The following SRGAP3 variants were observed in gnomAD, a reference collection of about 807,000 sequenced individuals.
The protein encoded by SRGAP3 is SLIT-ROBO Rho GTPase activating protein 3.
Under a neutral mutation model 121.1 loss-of-function variants are expected in SRGAP3, and 39 were observed. The observed-to-expected ratio is 0.32, with a 90% CI of 0.25 to 0.42. The LOEUF (loss-of-function observed/expected upper bound fraction) is 0.42, where lower values mean the gene tolerates loss of function less well. Among genes scored for constraint, SRGAP3 ranks in the 10% least tolerant of loss-of-function variants. The pLI is 1.00. For synonymous variants in SRGAP3, 601 were observed against 570.0 expected, an observed-to-expected ratio of 1.05 and a Z score of -0.77; for missense variants, 1,213 against 1,470.6, an observed-to-expected ratio of 0.82 and a Z score of 2.86.
chr3:9,161,413 C>T (rs1484831467), intron 1 of SRGAP3, among the ~76,000 whole-genome samples: 1 of 152,222 alleles, frequency 6.6e-6, no homozygotes, highest in Non-Finnish European at 1.5e-5. Context: ...CCAGACACTG[C>T]ACCAAAAAGC....
At chr3:9,192,872 G>A (rs1951799520) in intron 1 of SRGAP3, 1 of 152,240 alleles carries the variant, frequency 6.6e-6, no homozygotes, top group Non-Finnish European at 1.5e-5. Flanking sequence ...GAGCTGACAT[G>A]ATAAGGTCAA....
At position 9,032,565 on chromosome 3, in the gene SRGAP3, G is replaced by A. The variant is rs1944539377; in HGVS notation, c.1539+85C>T. 8.9e-5 allele frequency: 112 copies of A among 1,261,766 alleles called. 2 individuals carry two copies. In the South Asian group the frequency reaches 1.3e-3, roughly 14 times the overall value. 78.2% of individuals were successfully genotyped at this position (1,261,766 alleles called of 1,614,324 possible). A position where few individuals can be genotyped will look rare whatever the true frequency, so the allele number is the denominator to read the frequency against. On this transcript the variant is annotated intron_variant, in intron 12 of 21. Transcript: ENST00000383836. ...TCCACAGGGCCTGGCCAAGGACAGG[G>A]CTGTCTGCTGGCAGGGAGGCGGGCG... is the stretch of plus-strand genomic sequence containing the variant.
chr3:9,088,647 T>C (rs535770531), intron 3 of SRGAP3, among the ~76,000 whole-genome samples: 136 of 152,286 alleles, frequency 8.9e-4, no homozygotes, highest in African/African-American at 2.8e-3. Context: ...TCCTGCCCAA[T>C]TGAGAAATAG....
chr3:9,187,819 C>T (rs1020304600), intron 1 of SRGAP3, among the ~76,000 whole-genome samples: 1 of 152,214 alleles, frequency 6.6e-6, no homozygotes, highest in Non-Finnish European at 1.5e-5. Context: ...CCGTGTACGA[C>T]GTGACTTATA....
Position 8,983,547 on chromosome 3 carries a change from C to T in SRGAP3, c.*1972G>A, listed in dbSNP as rs1187072704. The stretch of plus-strand genomic sequence containing the variant: ...CGGGGGACCAGAGGAGAGGGCACCA[C>T]TTCATCCAATGGGCTGAAATGTTAA... On this transcript the variant is annotated 3_prime_UTR_variant, in exon 22 of 22. Coordinates refer to ENST00000383836, the MANE Select transcript of SRGAP3 (RefSeq NM_014850.4). 8.7e-6 allele frequency: 2 copies of T among 230,726 alleles called. No homozygotes were observed. The highest frequency in any genetic ancestry group is 5.7e-5 in the Admixed American group (1 of 17,692). 14.3% of individuals were successfully genotyped at this position (230,726 alleles called of 1,614,324 possible).
chr3:9,042,575 T>C (rs1945071936), intron 10 of SRGAP3, among the ~76,000 whole-genome samples: 1 of 152,002 alleles, frequency 6.6e-6, no homozygotes, highest in Non-Finnish European at 1.5e-5. Context: ...AGCAGTTACA[T>C]GGGTGGCTGC....
chr3:9,022,720 A>G (rs773064109), intron 14 of SRGAP3, among the ~76,000 whole-genome samples: 1 of 152,240 alleles, frequency 6.6e-6, no homozygotes, highest in African/African-American at 2.4e-5. Context: ...CGATTCTTTC[A>G]GAAGAAAGCA....
intron 9 of SRGAP3, among the ~76,000 whole-genome samples, 169 bp downstream of exon 9, chr3:9,052,857 CA>C (rs940719286): frequency 1.3e-5 from 2 of 152,146 alleles, no homozygotes; most frequent in African/African-American, 4.8e-5. Context: ...TCACTTTCTG[CA>C]TTTCAGAAAA....
chr3:9,119,400 C>A (rs555091059), intron 2 of SRGAP3, among the ~76,000 whole-genome samples: 6 of 152,316 alleles, frequency 3.9e-5, no homozygotes, highest in Non-Finnish European at 7.4e-5. Flanking sequence ...TCACATCATG[C>A]AACTCCCTTC....
intron 1 of SRGAP3, among the ~76,000 whole-genome samples, chr3:9,140,118 G>A (rs957220860): frequency 1.9e-4 from 24 of 125,614 alleles, no homozygotes; most frequent in Non-Finnish European, 3.6e-4. Context: ...TAGGCTCAGA[G>A]GCATACACAC....
chr3:9,288,663 C>A (rs1954823472), intron 3 of SRGAP3, among the ~76,000 whole-genome samples: 1 of 151,550 alleles, frequency 6.6e-6, no homozygotes, highest in African/African-American at 2.4e-5. Context: ...CAGCCTCCAA[C>A]TCCTGGGCTC....
At chr3:9,347,133 A>T (rs1412210331) in intron 1 of SRGAP3, among the ~76,000 whole-genome samples, 1 of 152,078 alleles carries the variant, frequency 6.6e-6, no homozygotes, top group Non-Finnish European at 1.5e-5. Context: ...AGGGAGGCTC[A>T]AAGACTCACT....
At chr3:9,341,046 C>A (rs1380834983) in intron 1 of SRGAP3, among the ~76,000 whole-genome samples, 1 of 152,152 alleles carries the variant, frequency 6.6e-6, no homozygotes, top group Non-Finnish European at 1.5e-5. Flanking sequence ...CCTCACATAA[C>A]AGATTGAGAC....
chr3:9,101,120 T>C (rs138114749), intron 3 of SRGAP3, among the ~76,000 whole-genome samples: 43 of 152,328 alleles, frequency 2.8e-4, no homozygotes, highest in Non-Finnish European at 5.1e-4. Context: ...TTTCTATTGA[T>C]CACGGATGTT....
At position 9,027,100 on chromosome 3, in the gene SRGAP3, C is replaced by T. The variant is rs868309079; in HGVS notation, c.1540-105G>A. 137 of 1,028,434 alleles carry T rather than the reference C, an allele frequency of 1.3e-4. No homozygotes were observed. In the Middle Eastern group the frequency reaches 3.8e-3, roughly 29 times the overall value. 63.7% of individuals were successfully genotyped at this position (1,028,434 alleles called of 1,614,324 possible). A position where few individuals can be genotyped will look rare whatever the true frequency, so the allele number is the denominator to read the frequency against. On this transcript the variant is annotated intron_variant, in intron 12 of 21. Transcript: ENST00000383836. ...ACTCAAGCCAGAATATTAGTACCATCAGATTAGTAGGAAAACAAGCAAGGA... is the reference window on the plus strand; with the variant it reads ...ACTCAAGCCAGAATATTAGTACCATTAGATTAGTAGGAAAACAAGCAAGGA...
chr3:9,110,418 T>C (rs1948579679), intron 2 of SRGAP3, among the ~76,000 whole-genome samples: 1 of 152,166 alleles, frequency 6.6e-6, no homozygotes, highest in Non-Finnish European at 1.5e-5. Flanking sequence ...AGGAGTTGGA[T>C]GCTATTTAAA....
rs758778899 is a variant in SRGAP3, at chr3:9,015,721, G to A, written c.1689C>T (p.Pro563=). ...CTCGTTCATTTTGATCGTCCACAAG[G>A]GGGTCTTCACCTGAGTGGAAACAAG... ...IKNSFERGED[P]LVDDQNERDI... is the part of the protein sequence containing the mutation. Residue 563 remains proline, a synonymous_variant, in exon 15 of 22, where the codon CCC becomes CCT. Coordinates refer to ENST00000383836, the MANE Select transcript of SRGAP3 (RefSeq NM_014850.4). 18 of 1,613,988 alleles carry A rather than the reference G, an allele frequency of 1.1e-5. No homozygotes were observed. Among genetic ancestry groups the A allele is most frequent in the East Asian group, 8.9e-5 (4 of 44,886 alleles).
chr3:9,268,921 G>A (rs537293316), intron 3 of SRGAP3, among the ~76,000 whole-genome samples: 1 of 152,192 alleles, frequency 6.6e-6, no homozygotes, highest in South Asian at 2.1e-4. Flanking sequence ...ATCCAACGCT[G>A]TCCCTTTTCC....
At chr3:9,243,634 TAAA>T (rs34944051) in intron 1 of SRGAP3, among the ~76,000 whole-genome samples, 1 of 137,124 alleles carries the variant, frequency 7.3e-6, no homozygotes, top group Non-Finnish European at 1.6e-5. Context: ...GACTCTGTCT[TAAA>T]AAAAAAAAAA....
Sources: allele counts gnomAD v4.1 joint callset (sites outside exome capture counted in the v4.1 genomes callset), GRCh38; gene constraint gnomAD v4.1.1; transcripts MANE v1.5; gene names NCBI Gene and HGNC (gene_info 2026-07-23, HGNC 2026-07-21).